The following ABCB10 variants were observed in gnomAD, a reference collection of about 807,000 sequenced individuals.
The protein encoded by ABCB10 is ATP binding cassette subfamily B member 10.
A neutral mutation model predicts 65.4 loss-of-function variants in ABCB10; 54 were observed. The observed-to-expected ratio is 0.83, with a 90% CI of 0.66 to 1.04. The LOEUF is 1.04. ABCB10 is among the 50% of genes least tolerant of loss of function. The probability of loss-of-function intolerance (pLI) is 0.00; values close to 1 mark genes in which losing one functional copy is unlikely to be tolerated. For missense variants in ABCB10, 846 were observed against 976.6 expected, an observed-to-expected ratio of 0.87 and a Z score of 1.78; for synonymous variants, 418 against 406.5, an observed-to-expected ratio of 1.03 and a Z score of -0.34.
At chr1:229,529,490 G>A (rs1239899631) in intron 8 of ABCB10, among the ~76,000 whole-genome samples, 2 of 148,740 alleles carry the variant, frequency 1.3e-5, no homozygotes, top group African/African-American at 5.0e-5. Context: ...CTAACACGGT[G>A]AAACCCCAAC....
chr1:229,537,669 A>C (rs750759885), intron 6 of ABCB10, among the ~76,000 whole-genome samples: 7 of 152,188 alleles, frequency 4.6e-5, no homozygotes, highest in Non-Finnish European at 4.4e-5. Context: ...ACGTGCCTGT[A>C]GTCCCAGCTA....
intron 2 of ABCB10, 119 bp from the exon 3 acceptor site, chr1:229,547,820 C>T (rs1663005718): frequency 3.4e-6 from 3 of 894,956 alleles, no homozygotes; most frequent in Non-Finnish European, 1.8e-6. Flanking sequence ...GCAATGCAGC[C>T]TCTGAGCGTG....
rs540899812 is a variant in ABCB10 at position 229,531,632 on chromosome 1, C to T, written c.1435+4G>A. ...CCTAGCAAAGAAACAATTTTCAGAC[C>T]CACCGTTAAAAGGCAGCTTGGGCTC... On this transcript the variant is annotated splice_donor_region_variant and intron_variant, in intron 7 of 12. Transcript: ENST00000344517. 3 of 1,613,466 alleles carry T rather than the reference C, an allele frequency of 1.9e-6. No homozygotes were observed. In the South Asian group the frequency reaches 3.3e-5, roughly 18 times the overall value.
At chr1:229,522,004 CTACAG>C (rs1232551754) in intron 10 of ABCB10, among the ~76,000 whole-genome samples, 3 of 151,306 alleles carry the variant, frequency 2.0e-5, no homozygotes, top group Non-Finnish European at 4.4e-5. Context: ...GTAGCTGAGA[CTACAG>C]GTGTGCACCA....
At position 229,542,271 on chromosome 1, in the gene ABCB10, T is replaced by G. The variant is rs151011321; in HGVS notation, c.1022A>C (p.Lys341Thr). Residue 341 changes from lysine (K) to threonine (T), a missense_variant, in exon 4 of 13, where the codon AAA (lysine) becomes ACA (threonine). This residue lies in a region of ABCB10 where 632 missense variants were observed against 803.2 expected (regional missense o/e 0.79). Coordinates refer to ENST00000344517, the MANE Select transcript of ABCB10 (RefSeq NM_012089.3). ...TTGTGCCAGGGAATCCTGAGTGACT[T>G]TGGTCAGTTTCCGTAGATATCGCCC... ...IYGRYLRKLT[K>T]VTQDSLAQAT... 4.7e-5 allele frequency: 76 copies of G among 1,614,092 alleles called. No homozygotes were observed. The African/African-American group carries it at 9.3e-4, about 20-fold the overall frequency.
chr1:229,543,198 C>T (rs964950215), intron 3 of ABCB10, among the ~76,000 whole-genome samples: 1 of 150,034 alleles, frequency 6.7e-6, no homozygotes, highest in Non-Finnish European at 1.5e-5. Flanking sequence ...ACACAACTAA[C>T]AAGTCGAAGA....
At position 229,542,289 on chromosome 1, in the gene ABCB10, T is replaced by C. The variant is rs1235493822; in HGVS notation, c.1004A>G (p.Tyr335Cys). ...AGTGACTTTGGTCAGTTTCCGTAGA[T>C]ATCGCCCATAAATTACAGCAATGAT... ...VSIIAVIYGR[Y>C]LRKLTKVTQD... The change falls in exon 4 of 13, where the codon TAT becomes TGT. Residue 335 changes from tyrosine to cysteine, a missense_variant. Physicochemically the swap from Tyr to Cys is radical, Grantham distance 194 (BLOSUM62 -2). Coordinates refer to ENST00000344517, the MANE Select transcript of ABCB10 (RefSeq NM_012089.3). The C allele has an allele frequency of 1.9e-6, 3 of 1,613,976 alleles. No homozygotes were observed. The highest frequency in any genetic ancestry group is 1.3e-5 in the African/African-American group (1 of 74,888).
chr1:229,524,004 T>C (rs1428724555), intron 10 of ABCB10, among the ~76,000 whole-genome samples: 2 of 151,950 alleles, frequency 1.3e-5, no homozygotes, highest in Non-Finnish European at 2.9e-5. Flanking sequence ...TTTTAAATCA[T>C]ATACAATAAG....
intron 6 of ABCB10, among the ~76,000 whole-genome samples, chr1:229,537,932 CTA>C (rs751447796): frequency 2.5e-4 from 38 of 152,354 alleles, no homozygotes; most frequent in Non-Finnish European, 5.0e-4. Context: ...CCTTAGGCAT[CTA>C]TGTTATAAAT....
chr1:229,518,184 C>G lies in ABCB10; in HGVS notation c.2212G>C (p.Ala738Pro), dbSNP rs748496881. 3.7e-6 allele frequency: 6 copies of G among 1,612,738 alleles called. No individual in the cohort carries two copies. The highest frequency in any genetic ancestry group is 5.1e-6 in the Non-Finnish European group (6 of 1,178,822). The change falls in exon 13 of 13, where the codon GCA (alanine) becomes CCA (proline). Residue 738 changes from alanine to proline, a missense_variant. By Grantham distance (27) the Ala-to-Pro change is conservative. Around this residue, in one of 2 missense-constraint regions of ABCB10, gnomAD observed 632 missense variants for 803.2 expected, o/e 0.79. Coordinates refer to ENST00000344517, the MANE Select transcript of ABCB10 (RefSeq NM_012089.3). ...GTTTACCAGTAATTGCTTCCTTATG[C>G]TGAAATAAAACTTTGTTTGTTCATT... is the stretch of plus-strand genomic sequence containing the variant. ...KLMNKQSFIS[A>P] is the part of the protein sequence containing the mutation.
In ABCB10 at chr1:229,521,578, CGCTTCAG is replaced by C; in HGVS notation, c.1950+7_1950+13del. 6.3e-7 allele frequency: 1 copy of C among 1,584,970 alleles called. No homozygotes were observed. Among genetic ancestry groups the C allele is most frequent in the Non-Finnish European group, 8.6e-7 (1 of 1,164,558 alleles). On this transcript the variant is annotated splice_region_variant and intron_variant, in intron 11 of 12. Coordinates refer to ENST00000344517, the MANE Select transcript of ABCB10 (RefSeq NM_012089.3). ...TCCCTAATTTAAAAAACATCCAAGT[CGCTTCAG>C]GCTTACCTTTAGCAGAGCACGGGCA...
Position 229,527,287 on chromosome 1 carries a change from T to C in ABCB10, c.1667A>G (p.His556Arg), listed in dbSNP as rs556548402. The change falls in exon 9 of 13, where the codon CAT (histidine) becomes CGT (arginine). Residue 556 changes from histidine to arginine, a missense_variant. By Grantham distance (29) the His-to-Arg change is conservative. Around this residue, in one of 2 missense-constraint regions of ABCB10, gnomAD observed 632 missense variants for 803.2 expected, o/e 0.79. Transcript: ENST00000344517. ...PASGTISLDG[H>R]DIRQLNPVWL... ...CACTGGGTTTAGCTGACGGATGTCA[T>C]GGCCATCAAGACTAATAGTTCCTTG... is the stretch of plus-strand genomic sequence containing the variant. The C allele has an allele frequency of 1.2e-6, 2 of 1,611,180 alleles. No homozygotes were observed. The highest frequency in any genetic ancestry group is 3.4e-5 in the Admixed American group (2 of 59,478).
chr1:229,531,734 G>T lies in ABCB10; in HGVS notation c.1340-3C>A. On this transcript the variant is annotated splice_region_variant and splice_polypyrimidine_tract_variant and intron_variant, in intron 6 of 12. Coordinates refer to ENST00000344517, the MANE Select transcript of ABCB10 (RefSeq NM_012089.3). The stretch of plus-strand genomic sequence containing the variant: ...CTCCGAGTAGAAAGAGCTCAGACCT[G>T]AGGATGAGAAGCAGAATCCACACAC... The T allele has an allele frequency of 1.9e-6, 3 of 1,613,310 alleles. No homozygotes were observed. The highest frequency in any genetic ancestry group is 2.5e-6 in the Non-Finnish European group (3 of 1,179,488).
intron 6 of ABCB10, among the ~76,000 whole-genome samples, chr1:229,532,704 G>GA (rs1662613910): frequency 6.6e-6 from 1 of 152,054 alleles, no homozygotes; most frequent in African/African-American, 2.4e-5. Context: ...AACATAGAGA[G>GA]AACCCTGTTT....
chr1:229,529,755 C>T (rs1662535673), intron 8 of ABCB10, among the ~76,000 whole-genome samples: 1 of 151,640 alleles, frequency 6.6e-6, no homozygotes, highest in African/African-American at 2.4e-5. Context: ...GGCTCACAGG[C>T]AGAGGCAGAG....
intron 4 of ABCB10, among the ~76,000 whole-genome samples, chr1:229,541,744 AGCCT>A (rs1447084150): frequency 3.9e-5 from 6 of 151,970 alleles, no homozygotes; most frequent in African/African-American, 1.4e-4. Context: ...ATTTGAAACC[AGCCT>A]GGGCAACACA....
intron 1 of ABCB10, among the ~76,000 whole-genome samples, chr1:229,556,650 C>T (rs1038979130): frequency 2.0e-5 from 3 of 152,020 alleles, no homozygotes; most frequent in South Asian, 2.1e-4. Context: ...GGACTGGGCA[C>T]GTGTAGGCCA....
intron 3 of ABCB10, among the ~76,000 whole-genome samples, chr1:229,545,248 A>G (rs1306908439): frequency 6.6e-6 from 1 of 152,236 alleles, no homozygotes; most frequent in Admixed American, 6.5e-5. Context: ...TAGTGCAGGA[A>G]GGGTCCTCTT....
chr1:229,532,585 A>G (rs1283362350), intron 6 of ABCB10, among the ~76,000 whole-genome samples: 1 of 138,118 alleles, frequency 7.2e-6, no homozygotes, highest in Non-Finnish European at 1.6e-5. Flanking sequence ...TGCTATGTTT[A>G]AAAAAAAAAA....
Sources: allele counts gnomAD v4.1 joint callset (sites outside exome capture counted in the v4.1 genomes callset), GRCh38; gene constraint gnomAD v4.1.1; regional missense constraint gnomAD v4.1.1; transcripts MANE v1.5; gene names NCBI Gene and HGNC (gene_info 2026-07-23, HGNC 2026-07-21).